Variants in TANK observed in about 807,000 individuals in gnomAD.
TANK encodes the protein TRAF family member associated NFKB activator.
A neutral mutation model predicts 43.6 loss-of-function variants in TANK; 15 were observed. The observed-to-expected ratio is 0.34, with a 90% CI of 0.23 to 0.53. The LOEUF is 0.53. Ranked by LOEUF, TANK falls within the 20% of genes least tolerant of loss-of-function variation. TANK has a pLI of 0.94. For missense variants in TANK, 417 were observed against 498.6 expected, an observed-to-expected ratio of 0.84 and a Z score of 1.56; for synonymous variants, 162 against 178.2, an observed-to-expected ratio of 0.91 and a Z score of 0.73.
chr2:161,157,132 C>T (rs969606727), upstream of TANK, among the ~76,000 whole-genome samples: 2 of 152,306 alleles, frequency 1.3e-5, no homozygotes, highest in Middle Eastern at 3.4e-3. Flanking sequence ...TAGTAGGGGC[C>T]GTGAGGCAGG....
chr2:161,166,964 G>A (rs1684710975), intron 1 of TANK, among the ~76,000 whole-genome samples: 2 of 152,212 alleles, frequency 1.3e-5, no homozygotes, highest in African/African-American at 4.8e-5. Flanking sequence ...GGGCAAAGTG[G>A]AAGGAGTAGC....
At chr2:161,218,032 A>G (rs2105372062) in intron 4 of TANK, among the ~76,000 whole-genome samples, 1 of 152,302 alleles carries the variant, frequency 6.6e-6, no homozygotes, top group African/African-American at 2.4e-5. Flanking sequence ...AAATACTATG[A>G]AATTTTGTCA....
upstream of TANK, among the ~76,000 whole-genome samples, chr2:161,156,679 T>C (rs1431313056): frequency 6.6e-6 from 1 of 152,190 alleles, no homozygotes; most frequent in African/African-American, 2.4e-5. Context: ...TTCTTCAGCA[T>C]AGATGTTGAA....
chr2:161,220,678 T>C (rs148704834), intron 4 of TANK, among the ~76,000 whole-genome samples: 93 of 152,284 alleles, frequency 6.1e-4, no homozygotes, highest in Admixed American at 2.2e-3. Context: ...TAAGAAAAAA[T>C]ATGGTTTCAA....
At chr2:161,196,765 A>C (rs767056003) in intron 2 of TANK, among the ~76,000 whole-genome samples, 1 of 152,148 alleles carries the variant, frequency 6.6e-6, no homozygotes, top group Non-Finnish European at 1.5e-5. Context: ...CTGAGGCAGG[A>C]GAATCACTTG....
chr2:161,185,797 G>A (rs1233669450), intron 2 of TANK, among the ~76,000 whole-genome samples: 2 of 151,578 alleles, frequency 1.3e-5, no homozygotes, highest in Admixed American at 6.6e-5. Context: ...CACCAGCATG[G>A]CACATGTATA....
intron 1 of TANK, among the ~76,000 whole-genome samples, chr2:161,165,008 G>A (rs559078503): frequency 7.0e-6 from 1 of 143,686 alleles, no homozygotes; most frequent in Non-Finnish European, 1.5e-5. Flanking sequence ...GAGTACTAGT[G>A]ATCTATAATA....
chr2:161,164,729 TGTG>T (rs1471715246), intron 1 of TANK, among the ~76,000 whole-genome samples: 3 of 152,214 alleles, frequency 2.0e-5, no homozygotes, highest in Non-Finnish European at 4.4e-5. Flanking sequence ...CTTTTTAAAT[TGTG>T]GTAAAATTCA....
intron 1 of TANK, among the ~76,000 whole-genome samples, chr2:161,154,116 G>C (rs912303547): frequency 6.6e-6 from 1 of 152,136 alleles, no homozygotes; most frequent in Non-Finnish European, 1.5e-5. Context: ...ATGTCATAAA[G>C]AGGAAAGGAC....
chr2:161,180,224 A>G, intron 2 of TANK: 1 of 587,766 alleles, frequency 1.7e-6, no homozygotes. Flanking sequence ...TCTTTATAAC[A>G]ATTCAAAGTA....
chr2:161,137,154 T>C (rs1057180538), intron 1 of TANK: 15 of 985,342 alleles, frequency 1.5e-5, no homozygotes, highest in Non-Finnish European at 1.8e-5. Context: ...TGTTACCCTC[T>C]TACTCTTGCT....
intron 1 of TANK, among the ~76,000 whole-genome samples, chr2:161,171,374 C>T (rs190615847): frequency 2.5e-4 from 38 of 152,284 alleles, no homozygotes; most frequent in African/African-American, 8.7e-4. Flanking sequence ...ATCCGGAAAT[C>T]TCTGAAACCT....
At chr2:161,156,227 G>A, upstream of TANK, 2 of 985,352 alleles carry the variant, frequency 2.0e-6, no homozygotes. Flanking sequence ...TATTTTGGAA[G>A]AGTTTTTCAA....
intron 1 of TANK, among the ~76,000 whole-genome samples, chr2:161,171,614 G>C (rs1010628677): frequency 6.6e-6 from 1 of 152,134 alleles, no homozygotes; most frequent in Non-Finnish European, 1.5e-5. Flanking sequence ...TGGCTGCTCA[G>C]CTATTTTAAA....
At position 161,179,738 on chromosome 2, in the gene TANK, G is replaced by T; in HGVS notation, c.76G>T (p.Ala26Ser). 6.2e-7 allele frequency: 1 copy of T among 1,611,980 alleles called. No individual in the cohort carries two copies. The highest frequency in any genetic ancestry group is 8.5e-7 in the Non-Finnish European group (1 of 1,178,860). The change falls in exon 2 of 8, where the codon GCA (alanine) becomes TCA (serine). Residue 26 changes from alanine (A) to serine (S), a missense_variant. By Grantham distance (99) the Ala-to-Ser change is moderately conservative. Coordinates refer to ENST00000392749, the MANE Select transcript of TANK (RefSeq NM_001199135.3). ...FRQACMDRDS[A>S]VKELQQKTEN... Reference sequence around the variant, plus strand: ...GCAGGCATGCATGGATAGAGATTCTGCAGTAAAAGAATTACAGCAAAAGGT... The same window carrying T: ...GCAGGCATGCATGGATAGAGATTCTTCAGTAAAAGAATTACAGCAAAAGGT...
At chr2:161,184,640 C>A (rs1685576170) in intron 2 of TANK, among the ~76,000 whole-genome samples, 1 of 152,064 alleles carries the variant, frequency 6.6e-6, no homozygotes, top group Admixed American at 6.6e-5. Context: ...GCAGGGGTGC[C>A]TGAATGCAGG....
At chr2:161,194,662 G>A (rs746518760) in intron 2 of TANK, among the ~76,000 whole-genome samples, 4 of 152,154 alleles carry the variant, frequency 2.6e-5, no homozygotes, top group Admixed American at 6.5e-5. Flanking sequence ...TCAAGAGCTA[G>A]TCTTGACCCA....
At chr2:161,215,794 A>G (rs1211428866) in intron 4 of TANK, among the ~76,000 whole-genome samples, 1 of 151,672 alleles carries the variant, frequency 6.6e-6, no homozygotes, top group South Asian at 2.1e-4. Context: ...GCACCTATAC[A>G]CTCTGAGCTT....
At chr2:161,225,480 T>C (rs926384234) in intron 6 of TANK, among the ~76,000 whole-genome samples, 1 of 152,230 alleles carries the variant, frequency 6.6e-6, no homozygotes, top group Non-Finnish European at 1.5e-5. Flanking sequence ...TGTTATAGTA[T>C]GTTTTGTAAA....
Sources: allele counts gnomAD v4.1 joint callset (sites outside exome capture counted in the v4.1 genomes callset), GRCh38; gene constraint gnomAD v4.1.1; transcripts MANE v1.5; gene names NCBI Gene and HGNC (gene_info 2026-07-23, HGNC 2026-07-21).